TENM2: variants seen among roughly 807,000 people sequenced by gnomAD.
TENM2 encodes the protein teneurin transmembrane protein 2.
A neutral mutation model predicts 245.2 loss-of-function variants in TENM2; 52 were observed. The ratio of observed to expected loss-of-function variants is 0.21; its 90% confidence interval spans 0.17 to 0.27. The LOEUF is 0.27. TENM2 is among the 10% of genes least tolerant of loss of function. TENM2 has a pLI of 1.00. For synonymous variants in TENM2, 1,363 were observed against 1,438.9 expected (o/e 0.95, Z 1.19); for missense variants, 3,046 against 3,666.8 (o/e 0.83, Z 4.37).
chr5:167,892,560 G>A (rs1422523618), intron 3 of TENM2, among the ~76,000 whole-genome samples: 9 of 152,206 alleles, frequency 5.9e-5, no homozygotes, highest in Admixed American at 5.9e-4. Context: ...AGAATCCACT[G>A]TGCAGCTGCT....
At chr5:168,018,717 C>T (rs577044648) in intron 5 of TENM2, among the ~76,000 whole-genome samples, 1 of 152,252 alleles carries the variant, frequency 6.6e-6, no homozygotes, top group African/African-American at 2.4e-5. Flanking sequence ...TTTTAAGACA[C>T]ATTCTTATAC....
the TENM2 span, among the ~76,000 whole-genome samples, chr5:167,180,103 C>CTTTTTTTTTT: frequency 4.3e-5 from 5 of 114,976 alleles, 1 homozygote; most frequent in African/African-American, 2.1e-4. Context: ...TAAGTGCTTC[C>CTTTTTTTTTT]TTTTTTTTTT....
At chr5:168,016,344 C>G (rs750731799) in intron 5 of TENM2, among the ~76,000 whole-genome samples, 62 of 152,236 alleles carry the variant, frequency 4.1e-4, no homozygotes, top group Non-Finnish European at 7.1e-4. Context: ...CTCTGTCTTA[C>G]TATCATTCCA....
At chr5:167,163,220 G>C in the TENM2 span, among the ~76,000 whole-genome samples, 1 of 152,106 alleles carries the variant, frequency 6.6e-6, no homozygotes, top group African/African-American at 2.4e-5. Flanking sequence ...CTTTGCTTCA[G>C]CCTCCTGAAT....
chr5:167,440,316 A>G (rs1764809407), intron 2 of TENM2, among the ~76,000 whole-genome samples: 1 of 152,232 alleles, frequency 6.6e-6, no homozygotes, highest in Admixed American at 6.5e-5. Flanking sequence ...TGAAATGTAG[A>G]ACTAGGACAA....
At chr5:167,217,421 T>G in the TENM2 span, among the ~76,000 whole-genome samples, 1 of 152,094 alleles carries the variant, frequency 6.6e-6, no homozygotes, top group African/African-American at 2.4e-5. Context: ...TGAGATTACT[T>G]TAGGAAGTAT....
rs549760631 is a variant in TENM2, at chr5:167,914,827, C to T, written c.713-37761C>T. 1.1e-3 allele frequency among the ~76,000 whole-genome samples: 166 copies of T among 152,260 alleles called. 1 individual carries two copies. The highest frequency in any genetic ancestry group is 3.8e-3 in the African/African-American group (158 of 41,552). On this transcript the variant is annotated intron_variant, in intron 3 of 28. Transcript: ENST00000518659. ...CTCTCTCTCTGCCTGTGTGGTCACA[C>T]GGTGCTCTCCCTGTGTCTCTCTGCA...
chr5:167,796,748 G>A (rs758750779), intron 2 of TENM2, among the ~76,000 whole-genome samples: 27 of 152,044 alleles, frequency 1.8e-4, no homozygotes, highest in Non-Finnish European at 3.4e-4. Flanking sequence ...TTCTTCGTAG[G>A]CTGGTAATAG....
chr5:167,080,539 AC>A, the TENM2 span, among the ~76,000 whole-genome samples: 4 of 151,266 alleles, frequency 2.6e-5, no homozygotes, highest in African/African-American at 9.7e-5. Flanking sequence ...GTGCACACTT[AC>A]CCCACCTCTG....
rs145715384 is a variant in TENM2 at position 167,934,885 on chromosome 5, C to T, written c.713-17703C>T. 24 of 985,508 alleles carry T rather than the reference C, an allele frequency of 2.4e-5. No homozygotes were observed. The East Asian group carries it at 1.0e-3, about 42-fold the overall frequency. The allele number at this position is 985,508 out of a possible 1,614,324, so 61.0% of individuals were successfully genotyped here. ...TTAGCTTAGTACGCGTTCGGCAGGA[C>T]GGGTGTGCAGGCTGCACTGCCCTTG... On this transcript the variant is annotated intron_variant, in intron 3 of 28. Coordinates refer to ENST00000518659, the Ensembl canonical transcript of TENM2.
rs750351497 is a variant in TENM2, at chr5:167,926,718, CCACACACACACACA to C, written c.713-25837_713-25824del. On this transcript the variant is annotated intron_variant, in intron 3 of 28. Transcript: ENST00000518659. ...GCCTGGGTGACAGAGTGAGATTCCA[CCACACACACACACA>C]CACACACACACACACACACACACAC... Among the ~76,000 whole-genome samples the C allele has an allele frequency of 1.1e-3, 148 of 136,806 alleles. 1 individual carries two copies. Among genetic ancestry groups the C allele is most frequent in the East Asian group, 5.1e-3 (23 of 4,538 alleles). The allele number at this position is 136,806 out of a possible 152,430, so 89.8% of individuals were successfully genotyped here. A position where few individuals can be genotyped will look rare whatever the true frequency, so the allele number is the denominator to read the frequency against.
chr5:167,300,700 G>A (rs1326129636), intron 1 of TENM2, among the ~76,000 whole-genome samples: 3 of 152,050 alleles, frequency 2.0e-5, no homozygotes, highest in East Asian at 1.9e-4. Context: ...ATGATTGGTC[G>A]ATAAGGAAGG....
intron 5 of TENM2, among the ~76,000 whole-genome samples, chr5:168,002,168 C>A (rs1385435134): frequency 1.3e-5 from 2 of 152,200 alleles, no homozygotes; most frequent in South Asian, 2.1e-4. Context: ...TTGCCTCCAA[C>A]CTTTACATTT....
intron 2 of TENM2, among the ~76,000 whole-genome samples, chr5:167,866,592 G>A (rs1015480498): frequency 1.3e-5 from 2 of 152,076 alleles, no homozygotes; most frequent in Non-Finnish European, 2.9e-5. Context: ...TATTCAAAAG[G>A]ACAGTTGTTT....
At chr5:167,410,295 A>G (rs1762840000) in intron 2 of TENM2, among the ~76,000 whole-genome samples, 2 of 152,054 alleles carry the variant, frequency 1.3e-5, no homozygotes, top group South Asian at 4.1e-4. Flanking sequence ...ATGAAGGCAA[A>G]TATCCAAAAA....
chr5:167,511,283 G>A (rs957849155), intron 2 of TENM2, among the ~76,000 whole-genome samples: 1 of 152,104 alleles, frequency 6.6e-6, no homozygotes, highest in South Asian at 2.1e-4. Flanking sequence ...TTTAATTTTG[G>A]AGAGGCTCAT....
At position 168,027,639 on chromosome 5, in the gene TENM2, T is replaced by A. The variant is rs1165269678; in HGVS notation, c.1187-19788T>A. ...AAAACATCACTCCTCGTGGCCAGAA[T>A]GAAAGGTGTTGTCTAAAGAAAAGTC... is the stretch of plus-strand genomic sequence containing the variant. On this transcript the variant is annotated intron_variant, in intron 5 of 28. Transcript: ENST00000518659. Among the ~76,000 whole-genome samples the A allele has an allele frequency of 2.0e-5, 3 of 152,316 alleles. No individual in the cohort carries two copies. The East Asian group carries it at 5.8e-4, about 29-fold the overall frequency.
the TENM2 span, among the ~76,000 whole-genome samples, chr5:167,078,243 G>A: frequency 6.6e-6 from 1 of 152,090 alleles, no homozygotes; most frequent in Admixed American, 6.6e-5. Context: ...CAGCACTTTG[G>A]GAGGCTAAGA....
chr5:166,999,911 T>C, the TENM2 span, among the ~76,000 whole-genome samples: 1 of 151,930 alleles, frequency 6.6e-6, no homozygotes, highest in Non-Finnish European at 1.5e-5. Context: ...GATGGAACAC[T>C]GGAAAATACC....
Sources: allele counts gnomAD v4.1 joint callset (sites outside exome capture counted in the v4.1 genomes callset), GRCh38; gene constraint gnomAD v4.1.1; transcripts MANE v1.5; gene names NCBI Gene and HGNC (gene_info 2026-07-23, HGNC 2026-07-21).